Variants in TRDN observed in about 807,000 individuals in gnomAD.
The protein encoded by TRDN is triadin in skeletal muscle.
A neutral mutation model predicts 149.7 loss-of-function variants in TRDN; 161 were observed. The observed-to-expected ratio is 1.08, with a 90% confidence interval of 0.95 to 1.23. The LOEUF is 1.23. TRDN is among the 50% of genes most tolerant of loss of function. The pLI is 0.00. For missense variants in TRDN, 896 were observed against 823.5 expected (o/e 1.09, Z -1.08); for synonymous variants, 294 against 250.5 (o/e 1.17, Z -1.64).
intron 8 of TRDN, among the ~76,000 whole-genome samples, chr6:123,500,776 T>A (rs533967804): frequency 8.5e-5 from 13 of 152,204 alleles, no homozygotes; most frequent in African/African-American, 2.9e-4. Flanking sequence ...CAACAAAAAA[T>A]TTTTAAGAAA....
At chr6:123,445,280 A>T (rs908286235) in intron 10 of TRDN, 3 of 151,602 alleles carry the variant, frequency 2.0e-5, no homozygotes, top group Admixed American at 6.6e-5. Context: ...AACCATAAAA[A>T]CCCTAGAAGA....
chr6:123,597,939 G>C (rs866204262), intron 1 of TRDN, among the ~76,000 whole-genome samples: 4 of 151,988 alleles, frequency 2.6e-5, no homozygotes, highest in South Asian at 4.1e-4. Flanking sequence ...GTATCTTCAA[G>C]GTATTCCTGT....
rs553946341 is a variant in TRDN at position 123,292,669 on chromosome 6, C to A, written c.1511-13587G>T. Among the ~76,000 whole-genome samples, 10 of 152,240 alleles carry A rather than the reference C, an allele frequency of 6.6e-5. No individual in the cohort carries two copies. In the South Asian group the frequency reaches 1.7e-3, roughly 25 times the overall value. On this transcript the variant is annotated intron_variant, in intron 24 of 40. Coordinates refer to ENST00000334268, the MANE Select transcript of TRDN (RefSeq NM_006073.4). ...GGCCCTTATCAGGTGTCATTGAGTA[C>A]CCCCTCTGCTGTTAAACTTCAGGGA...
At chr6:123,348,773 T>C (rs1189720436) in intron 21 of TRDN, among the ~76,000 whole-genome samples, 1 of 152,102 alleles carries the variant, frequency 6.6e-6, no homozygotes, top group Non-Finnish European at 1.5e-5. Flanking sequence ...TCAATAATCT[T>C]AAACTCATAA....
At chr6:123,422,203 G>C (rs1773934704) in intron 12 of TRDN, among the ~76,000 whole-genome samples, 1 of 152,030 alleles carries the variant, frequency 6.6e-6, no homozygotes, top group South Asian at 2.1e-4. Context: ...TGGTATTCCT[G>C]AGGCATCTTG....
chr6:123,546,403 C>G (rs1781115637), intron 4 of TRDN, among the ~76,000 whole-genome samples: 1 of 152,014 alleles, frequency 6.6e-6, no homozygotes, highest in Non-Finnish European at 1.5e-5. Flanking sequence ...GGGTAGTCAT[C>G]ATTTTCTCAG....
chr6:123,493,918 C>A (rs1176290530), intron 9 of TRDN, among the ~76,000 whole-genome samples: 1 of 152,142 alleles, frequency 6.6e-6, no homozygotes, highest in Non-Finnish European at 1.5e-5. Context: ...GCCACACTGA[C>A]AAAGATAATA....
At chr6:123,242,734 G>A (rs556386640) in intron 38 of TRDN, among the ~76,000 whole-genome samples, 1 of 152,060 alleles carries the variant, frequency 6.6e-6, no homozygotes, top group Admixed American at 6.6e-5. Context: ...GCCAGGAGAA[G>A]CTCTGGAATA....
chr6:123,615,275 G>A (rs1785025890), intron 1 of TRDN, among the ~76,000 whole-genome samples: 1 of 152,098 alleles, frequency 6.6e-6, no homozygotes, highest in Non-Finnish European at 1.5e-5. Flanking sequence ...AACTACCATT[G>A]ATCCAGGAAT....
intron 24 of TRDN, among the ~76,000 whole-genome samples, chr6:123,299,287 A>G (rs1731588294): frequency 6.6e-6 from 1 of 152,026 alleles, no homozygotes. Context: ...GCACAGTAAA[A>G]TGTCTGAATC....
At chr6:123,597,203 T>C (rs1054794775) in intron 1 of TRDN, among the ~76,000 whole-genome samples, 35 of 151,946 alleles carry the variant, frequency 2.3e-4, no homozygotes, top group Non-Finnish European at 2.9e-5. Context: ...CTTTAAGGGG[T>C]TCAAGACTTC....
intron 38 of TRDN, among the ~76,000 whole-genome samples, chr6:123,250,119 A>G (rs1776323536): frequency 1.3e-5 from 2 of 152,118 alleles, no homozygotes; most frequent in South Asian, 4.1e-4. Flanking sequence ...AAAAATACCT[A>G]GGAATAAATC....
At chr6:123,435,433 G>T (rs1774513498) in intron 12 of TRDN, among the ~76,000 whole-genome samples, 1 of 151,680 alleles carries the variant, frequency 6.6e-6, no homozygotes. Context: ...AAAATATAAA[G>T]AATTATTAAA....
intron 20 of TRDN, among the ~76,000 whole-genome samples, chr6:123,361,030 G>T (rs1027995035): frequency 6.6e-6 from 1 of 152,022 alleles, no homozygotes; most frequent in Admixed American, 6.6e-5. Flanking sequence ...GAATAGTGCC[G>T]CAATAAACAT....
intron 8 of TRDN, chr6:123,503,050 G>A (rs948956843): frequency 4.1e-6 from 4 of 985,330 alleles, no homozygotes; most frequent in Non-Finnish European, 3.6e-6. Context: ...CTCCATTGAA[G>A]TGATATATTT....
At position 123,228,260 on chromosome 6, in the gene TRDN, G is replaced by T. The variant is rs575464075; in HGVS notation, c.1976-4129C>A. On this transcript the variant is annotated intron_variant, in intron 38 of 40. Transcript: ENST00000334268. ...CAGAGCTATAAGAAGTGAAAGAACT[G>T]GTTTTTAAGACTATGGCATTCTGGT... 4.6e-5 allele frequency among the ~76,000 whole-genome samples: 7 copies of T among 152,044 alleles called. No homozygotes were observed. In the South Asian group the frequency reaches 1.4e-3, roughly 31 times the overall value.
At chr6:123,376,884 T>C (rs191473297) in intron 18 of TRDN, among the ~76,000 whole-genome samples, 10 of 150,622 alleles carry the variant, frequency 6.6e-5, no homozygotes, top group Admixed American at 4.0e-4. Flanking sequence ...TGATCACCCA[T>C]ACACACACAC....
chr6:123,316,324 T>G (rs897648801), intron 24 of TRDN, 133 bp downstream of exon 24: 6 of 816,260 alleles, frequency 7.4e-6, no homozygotes, highest in Non-Finnish European at 1.0e-5. Flanking sequence ...ATATGGCACA[T>G]AGCATCAGTA....
chr6:123,397,065 T>C (rs1772761843), intron 12 of TRDN, among the ~76,000 whole-genome samples: 1 of 151,996 alleles, frequency 6.6e-6, no homozygotes, highest in Non-Finnish European at 1.5e-5. Flanking sequence ...AAACAGTGTA[T>C]TTATTATGTT....
Sources: allele counts gnomAD v4.1 joint callset (sites outside exome capture counted in the v4.1 genomes callset), GRCh38; gene constraint gnomAD v4.1.1; transcripts MANE v1.5; gene names NCBI Gene and HGNC (gene_info 2026-07-23, HGNC 2026-07-21).